The following UNC13C variants were observed in gnomAD, a reference collection of about 807,000 sequenced individuals.
The protein encoded by UNC13C is unc-13 homolog C, also known as protein unc-13 homolog C.
UNC13C carries 174 observed loss-of-function variants against 245.4 expected under a neutral mutation model. The observed-to-expected ratio is 0.71, with a 90% CI of 0.63 to 0.80. The LOEUF (loss-of-function observed/expected upper bound fraction) is 0.80. UNC13C is among the 30% of genes least tolerant of loss of function. UNC13C has a pLI of 0.00. For missense variants in UNC13C, 2,829 were observed against 2,602.9 expected, an observed-to-expected ratio of 1.09 and a Z score of -1.89; for synonymous variants, 992 against 895.1, an observed-to-expected ratio of 1.11 and a Z score of -1.93.
the UNC13C span, among the ~76,000 whole-genome samples, chr15:53,859,543 A>T: frequency 6.6e-6 from 1 of 152,212 alleles, no homozygotes; most frequent in African/African-American, 2.4e-5. Flanking sequence ...GGTATTAAAC[A>T]CCAAAAAAAG....
At chr15:53,842,937 A>C in the UNC13C span, among the ~76,000 whole-genome samples, 1 of 149,272 alleles carries the variant, frequency 6.7e-6, no homozygotes, top group African/African-American at 2.4e-5. Context: ...ATTAAAATAG[A>C]TAATAAAAAG....
At chr15:54,309,885 AT>A (rs2037823719) in intron 13 of UNC13C, among the ~76,000 whole-genome samples, 1 of 151,676 alleles carries the variant, frequency 6.6e-6, no homozygotes, top group Admixed American at 6.6e-5. Flanking sequence ...ACCATGTTTC[AT>A]TATTTGCAGT....
chr15:54,490,019 C>T (rs1478944268), intron 19 of UNC13C, among the ~76,000 whole-genome samples: 2 of 152,166 alleles, frequency 1.3e-5, no homozygotes. Context: ...CTGAGCTCCC[C>T]TGTTTCTGTC....
intron 17 of UNC13C, among the ~76,000 whole-genome samples, chr15:54,359,201 TTAATG>T (rs1366007378): frequency 6.6e-6 from 1 of 152,016 alleles, no homozygotes; most frequent in African/African-American, 2.4e-5. Context: ...AAAGATCTTT[TTAATG>T]TGTTGTTTAA....
At chr15:54,167,219 G>A (rs896959709) in intron 4 of UNC13C, among the ~76,000 whole-genome samples, 27 of 151,988 alleles carry the variant, frequency 1.8e-4, no homozygotes, top group African/African-American at 4.8e-4. Flanking sequence ...GAAAAGAGAC[G>A]GGGCCGGGTG....
intron 19 of UNC13C, among the ~76,000 whole-genome samples, chr15:54,429,271 A>C (rs1567264466): frequency 6.6e-6 from 1 of 151,834 alleles, no homozygotes. Flanking sequence ...TATAAGTGAA[A>C]GTATTATACG....
chr15:53,906,986 C>T, the UNC13C span, among the ~76,000 whole-genome samples: 1 of 152,046 alleles, frequency 6.6e-6, no homozygotes, highest in Non-Finnish European at 1.5e-5. Flanking sequence ...TCCAACCACC[C>T]CCCTCTCTCG....
At chr15:53,983,384 A>C (rs1894004361) in intron 1 of UNC13C, among the ~76,000 whole-genome samples, 1 of 152,076 alleles carries the variant, frequency 6.6e-6, no homozygotes, top group African/African-American at 2.4e-5. Flanking sequence ...AAATTTAACT[A>C]TGAAGCTTCT....
the UNC13C span, chr15:53,837,705 T>G: frequency 6.6e-6 from 1 of 152,162 alleles, no homozygotes; most frequent in Non-Finnish European, 1.5e-5. Flanking sequence ...TGCTTTTGTA[T>G]CTGAAAATTT....
intron 4 of UNC13C, among the ~76,000 whole-genome samples, chr15:54,189,519 T>C (rs1459979978): frequency 1.3e-5 from 2 of 152,114 alleles, no homozygotes; most frequent in Non-Finnish European, 2.9e-5. Context: ...ACTTGGAGCA[T>C]ATTAGAGTGT....
chr15:53,997,059 C>G (rs556134000), intron 1 of UNC13C, among the ~76,000 whole-genome samples: 21 of 152,166 alleles, frequency 1.4e-4, no homozygotes, highest in African/African-American at 5.1e-4. Context: ...TGCTCCATAT[C>G]CCTTCCATCA....
chr15:54,588,229 C>T (rs117982563), intron 30 of UNC13C, among the ~76,000 whole-genome samples: 1 of 152,318 alleles, frequency 6.6e-6, no homozygotes, highest in East Asian at 1.9e-4. Flanking sequence ...TGCTGAAATG[C>T]AACAGAAATG....
At position 54,041,551 on chromosome 15, in the gene UNC13C, CTT is replaced by C. The variant is rs556437280; in HGVS notation, c.2983+25668_2983+25669del. Among the ~76,000 whole-genome samples the C allele has an allele frequency of 8.9e-4, 136 of 152,316 alleles. 4 individuals carry two copies. In the South Asian group the frequency reaches 0.027, roughly 30 times the overall value. ...ATAGACATGCCTGGAACACCATACT[CTT>C]TTCATCAACCCAAAGCTACATAGCA... On this transcript the variant is annotated intron_variant, in intron 2 of 32. Transcript: ENST00000260323.
At chr15:54,357,362 T>A (rs2039119688) in intron 17 of UNC13C, among the ~76,000 whole-genome samples, 1 of 152,054 alleles carries the variant, frequency 6.6e-6, no homozygotes, top group South Asian at 2.1e-4. Flanking sequence ...AAAAACAACC[T>A]GGAATATTTT....
intron 13 of UNC13C, chr15:54,321,263 C>T: frequency 2.1e-6 from 1 of 480,152 alleles, no homozygotes; most frequent in Non-Finnish European, 4.1e-6. Flanking sequence ...TTGCCACTGC[C>T]TCAGCTATGA....
chr15:54,182,739 C>T (rs1352075380), intron 4 of UNC13C, among the ~76,000 whole-genome samples: 1 of 151,742 alleles, frequency 6.6e-6, no homozygotes, highest in African/African-American at 2.4e-5. Flanking sequence ...TACTACAAGA[C>T]ATATTAAAAC....
At chr15:54,049,109 C>A in intron 2 of UNC13C, 1 of 362,592 alleles carries the variant, frequency 2.8e-6, no homozygotes, top group East Asian at 7.5e-5. Context: ...CTTTTTGATC[C>A]AGAGCAATTT....
chr15:54,304,912 A>C lies in UNC13C; in HGVS notation c.4268+4539A>C, dbSNP rs191532685. ...TATTTATTGGTATTCATTAGTTATT[A>C]GAAATTATTGTTTTTATACAAAAAT... On this transcript the variant is annotated intron_variant, in intron 13 of 32. Coordinates refer to ENST00000260323, the MANE Select transcript of UNC13C (RefSeq NM_001080534.3). Among the ~76,000 whole-genome samples, 341 of 152,202 alleles carry C rather than the reference A, an allele frequency of 2.2e-3. 3 individuals are homozygous for C. Among genetic ancestry groups the C allele is most frequent in the Non-Finnish European group, 3.1e-4 (21 of 67,996 alleles).
chr15:54,605,991 G>A (rs1480315660), intron 30 of UNC13C, among the ~76,000 whole-genome samples: 10 of 152,276 alleles, frequency 6.6e-5, no homozygotes, highest in Non-Finnish European at 2.9e-5. Flanking sequence ...GAAGCCAAAG[G>A]CATCCGTGTG....
Sources: gnomAD v4.1 joint callset for allele counts (sites outside exome capture counted in the v4.1 genomes callset) on GRCh38, gnomAD v4.1.1 for gene constraint, MANE v1.5 for transcripts, NCBI Gene and HGNC (gene_info 2026-07-23, HGNC 2026-07-21) for gene names.